MARF1: variants seen among roughly 807,000 people sequenced by gnomAD.
MARF1 encodes meiosis regulator and mRNA stability factor 1, also known as limkain-b1.
In MARF1, 24 loss-of-function variants were observed where a neutral mutation model predicts 168.2. The ratio of observed to expected loss-of-function variants is 0.14; its 90% CI spans 0.10 to 0.20. The LOEUF (loss-of-function observed/expected upper bound fraction) is 0.20, where lower values mean the gene tolerates loss of function less well. MARF1 is among the 10% of genes least tolerant of loss of function. MARF1 has a pLI of 1.00. For synonymous variants in MARF1, 868 were observed against 822.4 expected, an observed-to-expected ratio of 1.06 and a Z score of -0.95; for missense variants, 1,744 against 2,143.6, an observed-to-expected ratio of 0.81 and a Z score of 3.68.
In MARF1 at chr16:15,622,943, C is replaced by T. The variant is rs774834683; in HGVS notation, c.2451G>A (p.Arg817=). The change falls in exon 11 of 27, where the codon AGG becomes AGA. Residue 817 remains arginine, a synonymous_variant. Coordinates refer to ENST00000396368, the MANE Select transcript of MARF1 (RefSeq NM_014647.4). ...LQQLLQEAFA[R]HGKVKSVELS... Reference sequence around the variant, plus strand: ...AGAGGGAAAAAGTTACCTTGCCATGCCTGGCAAATGCTTCCTGCAGGAGCT... The same window carrying T: ...AGAGGGAAAAAGTTACCTTGCCATGTCTGGCAAATGCTTCCTGCAGGAGCT... 6.4e-7 allele frequency: 1 copy of T among 1,563,740 alleles called. No homozygotes were observed. The highest frequency in any genetic ancestry group is 1.1e-5 in the South Asian group (1 of 87,300).
Position 15,635,066 on chromosome 16 carries a change from C to G in MARF1, c.832-135G>C, listed in dbSNP as rs2035494045. 4.5e-6 allele frequency: 3 copies of G among 668,504 alleles called. No individual in the cohort carries two copies. In the African/African-American group the frequency reaches 5.5e-5, roughly 12 times the overall value. 41.4% of individuals were successfully genotyped at this position (668,504 alleles called of 1,614,324 possible). A position where few individuals can be genotyped will look rare whatever the true frequency, so the allele number is the denominator to read the frequency against. ...GCTAGCCTCTAATAAAAAGGACTTT[C>G]AAATAATCTTTCCAAGAACCATTAG... On this transcript the variant is annotated intron_variant, in intron 3 of 26. Transcript: ENST00000396368.
intron 25 of MARF1, among the ~76,000 whole-genome samples, 159 bp downstream of exon 25, chr16:15,600,269 T>C (rs1419246479): frequency 6.6e-6 from 1 of 152,180 alleles, no homozygotes; most frequent in Admixed American, 6.5e-5. Flanking sequence ...TTTTATCCTG[T>C]TACTAACTAA....
intron 5 of MARF1, among the ~76,000 whole-genome samples, chr16:15,632,201 AG>A (rs1488855487): frequency 6.6e-6 from 1 of 152,232 alleles, no homozygotes; most frequent in Admixed American, 6.5e-5. Context: ...AGTAGAATAT[AG>A]GAAGTGAAAT....
chr16:15,608,190 T>C (rs1362623832), intron 21 of MARF1, 101 bp downstream of exon 21: 1 of 710,942 alleles, frequency 1.4e-6, no homozygotes, highest in African/African-American at 2.2e-5. Flanking sequence ...AAGGTGTAAA[T>C]AAAGAAACGC....
intron 2 of MARF1, among the ~76,000 whole-genome samples, chr16:15,638,461 C>G (rs1235019878): frequency 6.6e-6 from 1 of 152,082 alleles, no homozygotes; most frequent in African/African-American, 2.4e-5. Flanking sequence ...CAGCACAGGC[C>G]TGTAATCCCA....
chr16:15,620,622 T>A, intron 12 of MARF1, 91 bp from the exon 13 acceptor site: 1 of 785,980 alleles, frequency 1.3e-6, no homozygotes, highest in Non-Finnish European at 2.0e-6. Flanking sequence ...CCAGTGCATA[T>A]GCAAAATAAA....
At chr16:15,619,104 C>T (rs547407743) in intron 13 of MARF1, among the ~76,000 whole-genome samples, 5 of 152,228 alleles carry the variant, frequency 3.3e-5, no homozygotes, top group African/African-American at 1.2e-4. Flanking sequence ...AGCAAAACCC[C>T]CTCATTACAA....
At position 15,635,995 on chromosome 16, in the gene MARF1, T is replaced by C. The variant is rs780822057; in HGVS notation, c.492A>G (p.Ser164=). The C allele has an allele frequency of 6.2e-7, 1 of 1,614,230 alleles. No homozygotes were observed. The highest frequency in any genetic ancestry group is 8.5e-7 in the Non-Finnish European group (1 of 1,180,046). The change falls in exon 3 of 27, where the codon TCA becomes TCG. Residue 164 remains serine (S), a synonymous_variant. Transcript: ENST00000396368. ...FQSASSLQNA[S]ARNNLAGIAS... The stretch of plus-strand genomic sequence containing the variant: ...CAATGCCTGCCAAATTGTTCCTAGC[T>C]GAGGCATTCTGGAGTGAAGATGCAG...
intron 2 of MARF1, 63 bp from the exon 3 acceptor site, chr16:15,636,405 T>C (rs2151304049): frequency 1.7e-6 from 2 of 1,197,834 alleles, no homozygotes; most frequent in East Asian, 2.4e-5. Flanking sequence ...TGGTTACTCA[T>C]ATCTTACTGC....
intron 7 of MARF1, among the ~76,000 whole-genome samples, chr16:15,627,530 A>T (rs2151234728): frequency 6.6e-6 from 1 of 152,270 alleles, no homozygotes; most frequent in Admixed American, 6.5e-5. Context: ...AGGAAGGAGA[A>T]TCAATTGAAC....
rs1037023310 is a variant in MARF1, at chr16:15,599,169, AAAAAAAC to A, written c.4814-152_4814-146del. The A allele has an allele frequency of 1.4e-5, 11 of 790,922 alleles. No homozygotes were observed. In the African/African-American group the frequency reaches 2.0e-4, roughly 15 times the overall value. 49.0% of individuals were successfully genotyped at this position (790,922 alleles called of 1,614,324 possible). A position where few individuals can be genotyped will look rare whatever the true frequency, so the allele number is the denominator to read the frequency against. ...TTTAAGGTATTAAAAAAAAAAAAAA[AAAAAAAC>A]AAAAACCCAAAACCCACTAACAGGA... is the stretch of plus-strand genomic sequence containing the variant. On this transcript the variant is annotated intron_variant, in intron 25 of 26. Coordinates refer to ENST00000396368, the MANE Select transcript of MARF1 (RefSeq NM_014647.4).
At chr16:15,625,216 C>A (rs2034760600) in intron 8 of MARF1, 43 bp from the exon 9 acceptor site, 1 of 1,602,590 alleles carries the variant, frequency 6.2e-7, no homozygotes, top group African/African-American at 1.3e-5. Context: ...TTTAAGTACC[C>A]AAGATGTGTT....
At chr16:15,622,457 T>C (rs757615462) in intron 11 of MARF1, among the ~76,000 whole-genome samples, 4 of 151,962 alleles carry the variant, frequency 2.6e-5, no homozygotes, top group Non-Finnish European at 4.4e-5. Context: ...AGTGGCGTCA[T>C]CTCAGCTTAC....
rs2034567799 is a variant in MARF1 at position 15,622,927 on chromosome 16, A to C, written c.2460+7T>G. 1 of 1,562,276 alleles carries C rather than the reference A, an allele frequency of 6.4e-7. No individual in the cohort carries two copies. The highest frequency in any genetic ancestry group is 1.4e-5 in the African/African-American group (1 of 73,648). On this transcript the variant is annotated splice_region_variant and intron_variant, in intron 11 of 26. Coordinates refer to ENST00000396368, the MANE Select transcript of MARF1 (RefSeq NM_014647.4). ...TAACAAAGCAAGCACAAGAGGGAAA[A>C]AGTTACCTTGCCATGCCTGGCAAAT...
chr16:15,616,877 G>T, intron 15 of MARF1, 175 bp downstream of exon 15: 1 of 790,868 alleles, frequency 1.3e-6, no homozygotes, highest in Non-Finnish European at 2.0e-6. Flanking sequence ...TACAGTCCAT[G>T]GTTGGCCAAA....
Position 15,596,051 on chromosome 16 carries a change from A to G in MARF1, c.*642T>C, listed in dbSNP as rs975955186. 6.6e-6 allele frequency: 1 copy of G among 152,650 alleles called. No homozygotes were observed. Among genetic ancestry groups the G allele is most frequent in the Non-Finnish European group, 1.5e-5 (1 of 68,048 alleles). The allele number at this position is 152,650 out of a possible 1,614,324, so 9.5% of individuals were successfully genotyped here. On this transcript the variant is annotated 3_prime_UTR_variant, in exon 27 of 27. Transcript: ENST00000396368. ...AACCCCAAAGTAGAAACGTTTAAAA[A>G]AATTTGTGATGAAGCCACTTTTGTC...
intron 22 of MARF1, 47 bp from the exon 23 acceptor site, chr16:15,602,250 T>C (rs1223090705): frequency 6.7e-7 from 1 of 1,502,154 alleles, no homozygotes; most frequent in Admixed American, 1.7e-5. Flanking sequence ...TGACTGGCCC[T>C]GCCCCGTGGA....
intron 25 of MARF1, among the ~76,000 whole-genome samples, chr16:15,600,131 TATA>T (rs2032258936): frequency 6.6e-6 from 1 of 152,130 alleles, no homozygotes; most frequent in African/African-American, 2.4e-5. Flanking sequence ...GAATATCCAT[TATA>T]ATAAGTGTCG....
chr16:15,611,458 A>C lies in MARF1; in HGVS notation c.3617+134T>G, dbSNP rs1276417029. On this transcript the variant is annotated intron_variant, in intron 18 of 26. Coordinates refer to ENST00000396368, the MANE Select transcript of MARF1 (RefSeq NM_014647.4). ...CGAGACTCCGTCTCAAAAAAAAAAA[A>C]AAAAAAACAAAAAACTACTACAAGT... The C allele has an allele frequency of 6.9e-5, 57 of 825,980 alleles. 1 individual carries two copies. Among genetic ancestry groups the C allele is most frequent in the Admixed American group, 2.8e-4 (9 of 32,036 alleles). 51.2% of individuals were successfully genotyped at this position (825,980 alleles called of 1,614,324 possible).
Sources: gnomAD v4.1 joint callset for allele counts (sites outside exome capture counted in the v4.1 genomes callset) on GRCh38, gnomAD v4.1.1 for gene constraint, MANE v1.5 for transcripts, NCBI Gene and HGNC (gene_info 2026-07-23, HGNC 2026-07-21) for gene names.